FEZ1: variants seen among roughly 807,000 people sequenced by gnomAD.
The protein encoded by FEZ1 is fasciculation and elongation protein zeta 1, also known as fasciculation and elongation protein zeta-1.
Under a neutral mutation model 49.3 loss-of-function variants are expected in FEZ1, and 20 were observed. That is an observed-to-expected ratio of 0.41 (90% CI 0.29 to 0.59). The LOEUF (loss-of-function observed/expected upper bound fraction) is 0.59, where lower values mean the gene tolerates loss of function less well. Among genes scored for constraint, FEZ1 ranks in the 20% least tolerant of loss-of-function variants. The probability of loss-of-function intolerance (pLI) is 0.36; values close to 1 mark genes in which losing one functional copy is unlikely to be tolerated. For synonymous variants in FEZ1, 170 were observed against 180.9 expected, an observed-to-expected ratio of 0.94 and a Z score of 0.48; for missense variants, 413 against 476.0, an observed-to-expected ratio of 0.87 and a Z score of 1.23.
Position 125,489,186 on chromosome 11 carries a change from G to A in FEZ1, c.311+281C>T. ...TTCCACTGATATAAAGAAAGCTTAA[G>A]ATAGACAGACCCTGAAATTTACTGT... On this transcript the variant is annotated intron_variant, in intron 2 of 9. Coordinates refer to ENST00000278919, the MANE Select transcript of FEZ1 (RefSeq NM_005103.5). This position sits in a 1 kb window ranked among gnomAD's most constrained non-coding sequence, Gnocchi z 4.2. 5.5e-6 allele frequency: 6 copies of A among 1,096,102 alleles called. No individual in the cohort carries two copies. The highest frequency in any genetic ancestry group is 6.6e-6 in the Non-Finnish European group (6 of 902,948). 67.9% of individuals were successfully genotyped at this position (1,096,102 alleles called of 1,614,324 possible).
intron 3 of FEZ1, among the ~76,000 whole-genome samples, chr11:125,479,260 C>G (rs1437748162): frequency 6.6e-6 from 1 of 152,194 alleles, no homozygotes; most frequent in African/African-American, 2.4e-5. Flanking sequence ...AACTGCTGAT[C>G]TCTTTGCTGT....
chr11:125,448,651 G>C (rs1003220118), intron 8 of FEZ1, 84 bp from the exon 9 acceptor site: 1 of 833,206 alleles, frequency 1.2e-6, no homozygotes, highest in Non-Finnish European at 2.1e-6. Flanking sequence ...CCAGCCCAGA[G>C]TGAGAGAGAA....
At chr11:125,493,022 C>T in intron 1 of FEZ1, among the ~76,000 whole-genome samples, 1 of 149,512 alleles carries the variant, frequency 6.7e-6, no homozygotes. Context: ...GGATAGCTAA[C>T]TTACATAGAA....
At chr11:125,463,708 T>A (rs1257524689) in intron 3 of FEZ1, 138 bp from the exon 4 acceptor site, 3 of 632,914 alleles carry the variant, frequency 4.7e-6, no homozygotes, top group Non-Finnish European at 8.5e-6. Flanking sequence ...TGAAGAGGTG[T>A]CCAGAGTTTC....
chr11:125,465,210 G>A lies in FEZ1; in HGVS notation c.412-1640C>T, dbSNP rs535505637. Among the ~76,000 whole-genome samples, 17 of 152,284 alleles carry A rather than the reference G, an allele frequency of 1.1e-4. No individual in the cohort carries two copies. The East Asian group carries it at 3.1e-3, about 28-fold the overall frequency. ...GTTAGTCTATAACCAGGATTTGGCA[G>A]GGGGTAGGGGGTGGTGGGCACTAAG... On this transcript the variant is annotated intron_variant, in intron 3 of 9. Coordinates refer to ENST00000278919, the MANE Select transcript of FEZ1 (RefSeq NM_005103.5).
intron 3 of FEZ1, among the ~76,000 whole-genome samples, chr11:125,467,383 G>A (rs1216596277): frequency 6.6e-6 from 1 of 152,184 alleles, no homozygotes; most frequent in East Asian, 1.9e-4. Flanking sequence ...AAACATCTGC[G>A]TGGATTAAGT....
At chr11:125,446,202 A>T (rs1956897536) in intron 9 of FEZ1, 91 bp from the exon 10 acceptor site, 1 of 1,222,442 alleles carries the variant, frequency 8.2e-7, no homozygotes, top group East Asian at 2.3e-5. Flanking sequence ...GAGAGCAGTC[A>T]CACCAGCTCC....
At chr11:125,447,084 C>A (rs1277939908) in intron 9 of FEZ1, among the ~76,000 whole-genome samples, 3 of 152,138 alleles carry the variant, frequency 2.0e-5, no homozygotes, top group African/African-American at 7.2e-5. Flanking sequence ...AGACAGTGAG[C>A]AATCCTCAAG....
At chr11:125,462,565 T>C (rs1474521032) in intron 4 of FEZ1, among the ~76,000 whole-genome samples, 2 of 152,216 alleles carry the variant, frequency 1.3e-5, no homozygotes, top group African/African-American at 4.8e-5. Context: ...CTTAGCAGGA[T>C]TGTAGCTACT....
chr11:125,470,212 C>A (rs1468479399), intron 3 of FEZ1, among the ~76,000 whole-genome samples: 3 of 152,158 alleles, frequency 2.0e-5, no homozygotes, highest in Non-Finnish European at 2.9e-5. Flanking sequence ...AAAATGTGTC[C>A]TATTTATCAG....
chr11:125,461,372 C>T (rs970057569), intron 4 of FEZ1, among the ~76,000 whole-genome samples: 4 of 152,114 alleles, frequency 2.6e-5, no homozygotes, highest in Admixed American at 1.3e-4. Flanking sequence ...TTTGGGAAGC[C>T]GAGGCAGGTG....
Position 125,495,253 on chromosome 11 carries a change from C to T in FEZ1, c.-46+868G>A, listed in dbSNP as rs1053504307. The T allele has an allele frequency of 5.0e-6, 2 of 399,354 alleles. No individual in the cohort carries two copies. The highest frequency in any genetic ancestry group is 1.1e-5 in the Non-Finnish European group (2 of 188,600). 24.7% of individuals were successfully genotyped at this position (399,354 alleles called of 1,614,324 possible). On this transcript the variant is annotated intron_variant, in intron 1 of 9. Coordinates refer to ENST00000278919, the MANE Select transcript of FEZ1 (RefSeq NM_005103.5). This position sits in a 1 kb window ranked among gnomAD's most constrained non-coding sequence, Gnocchi z 4.2. ...CACTCTGAGGAAGCCGGACTCATCC[C>T]GTGCAGGCCGCATACACACTCCACT...
chr11:125,478,447 A>AC (rs1957251765), intron 3 of FEZ1, among the ~76,000 whole-genome samples: 1 of 152,228 alleles, frequency 6.6e-6, no homozygotes, highest in Non-Finnish European at 1.5e-5. Flanking sequence ...ATCTCAAAAA[A>AC]TAAAAAAAAT....
intron 5 of FEZ1, 139 bp from the exon 6 acceptor site, chr11:125,456,245 G>C (rs1957010243): frequency 1.2e-6 from 1 of 812,396 alleles, no homozygotes; most frequent in South Asian, 2.2e-5. Flanking sequence ...ATCCAAGAAA[G>C]ACCTTCACAA....
At chr11:125,487,601 T>G (rs2849221) in intron 2 of FEZ1, among the ~76,000 whole-genome samples, 1 of 152,070 alleles carries the variant, frequency 6.6e-6, no homozygotes, top group Non-Finnish European at 1.5e-5. Context: ...TTTAAACACA[T>G]AGCCCACAGC....
intron 3 of FEZ1, among the ~76,000 whole-genome samples, chr11:125,471,087 C>G (rs75064386): frequency 6.6e-6 from 1 of 151,824 alleles, no homozygotes; most frequent in Non-Finnish European, 1.5e-5. Context: ...AAGAAAAATA[C>G]GACAAGGTAT....
At chr11:125,470,413 T>C (rs1477594008) in intron 3 of FEZ1, among the ~76,000 whole-genome samples, 2 of 152,188 alleles carry the variant, frequency 1.3e-5, no homozygotes, top group Non-Finnish European at 2.9e-5. Context: ...GATAGAATTA[T>C]GGGCGGGGAA....
chr11:125,467,427 A>G (rs1261651114), intron 3 of FEZ1, among the ~76,000 whole-genome samples: 1 of 152,260 alleles, frequency 6.6e-6, no homozygotes, highest in Non-Finnish European at 1.5e-5. Context: ...GAGATGCACT[A>G]GGGCATGCAG....
In FEZ1 at chr11:125,455,986, T is replaced by C; in HGVS notation, c.788A>G (p.Glu263Gly). Residue 263 changes from glutamate to glycine, a missense_variant, in exon 6 of 10, where the codon GAG becomes GGG. Physicochemically the swap from Glu to Gly is moderately conservative, Grantham distance 98. Coordinates refer to ENST00000278919, the MANE Select transcript of FEZ1 (RefSeq NM_005103.5). ...GATAAAGGAGTTCTTCACTTCCTTC[T>C]CAAACTCCAGCTCGTCCCGGCGGGC... ...QLARRDELEF[E>G]KEVKNSFITV... 6.2e-7 allele frequency: 1 copy of C among 1,613,540 alleles called. No individual in the cohort carries two copies. The highest frequency in any genetic ancestry group is 8.5e-7 in the Non-Finnish European group (1 of 1,179,968).
Sources: gnomAD v4.1 joint callset for allele counts (sites outside exome capture counted in the v4.1 genomes callset) on GRCh38, gnomAD v4.1.1 for gene constraint, Gnocchi (gnomAD v3.1) non-coding constraint, MANE v1.5 for transcripts, NCBI Gene and HGNC (gene_info 2026-07-23, HGNC 2026-07-21) for gene names.